Variants in SPATA6 observed in about 807,000 individuals in gnomAD.
The protein encoded by SPATA6 is spermatogenesis associated 6, also known as spermatogenesis-associated protein 6.
In SPATA6, 56 loss-of-function variants were observed where a neutral mutation model predicts 65.3. The ratio of observed to expected loss-of-function variants is 0.86; its 90% CI spans 0.69 to 1.07. The LOEUF is 1.07. SPATA6 is among the 50% of genes least tolerant of loss of function. The probability of loss-of-function intolerance (pLI) is 0.00; values close to 1 mark genes in which losing one functional copy is unlikely to be tolerated. For missense variants in SPATA6, 590 were observed against 594.8 expected, an observed-to-expected ratio of 0.99 and a Z score of 0.08; for synonymous variants, 199 against 213.2, an observed-to-expected ratio of 0.93 and a Z score of 0.58.
At chr1:48,437,356 A>G in intron 3 of SPATA6, 1 of 1,490,084 alleles carries the variant, frequency 6.7e-7, no homozygotes, top group Non-Finnish European at 8.9e-7. Flanking sequence ...TATTATTTAA[A>G]ACCACTCTGT....
In SPATA6 at chr1:48,303,528, T is replaced by C. The variant is rs1644989666; in HGVS notation, c.1286+2259A>G. The stretch of plus-strand genomic sequence containing the variant: ...CAGATGAGAACATGCAACATTTGTC[T>C]TTCTGTGCCTGGCTTATTTCACTTA... On this transcript the variant is annotated intron_variant, in intron 12 of 12. Coordinates refer to ENST00000371847, the MANE Select transcript of SPATA6 (RefSeq NM_019073.4). 2.0e-5 allele frequency among the ~76,000 whole-genome samples: 3 copies of C among 152,214 alleles called. No individual in the cohort carries two copies. The South Asian group carries it at 6.2e-4, about 32-fold the overall frequency.
At chr1:48,469,754 TAATC>T (rs1051343581) in intron 1 of SPATA6, among the ~76,000 whole-genome samples, 7 of 151,452 alleles carry the variant, frequency 4.6e-5, no homozygotes, top group South Asian at 2.1e-4. Context: ...AAAGCCAAAT[TAATC>T]AATCAATCAA....
intron 3 of SPATA6, among the ~76,000 whole-genome samples, chr1:48,433,294 A>G (rs1654578264): frequency 6.6e-6 from 1 of 152,174 alleles, no homozygotes. Context: ...TTCATTATGT[A>G]TGTTTTACTG....
chr1:48,399,331 A>G lies in SPATA6; in HGVS notation c.780+20T>C. The G allele has an allele frequency of 6.3e-7, 1 of 1,590,670 alleles. No homozygotes were observed. The highest frequency in any genetic ancestry group is 1.2e-5 in the South Asian group (1 of 86,918). On this transcript the variant is annotated intron_variant, in intron 7 of 12. Transcript: ENST00000371847. ...AAAAGCTGATCAGTTTCAAATAGAAATGCTTAAGAGAACACATACATGTCT... is the reference window on the plus strand; with the variant it reads ...AAAAGCTGATCAGTTTCAAATAGAAGTGCTTAAGAGAACACATACATGTCT...
intron 11 of SPATA6, among the ~76,000 whole-genome samples, chr1:48,336,310 C>T (rs1646058472): frequency 6.6e-6 from 1 of 151,952 alleles, no homozygotes; most frequent in South Asian, 2.1e-4. Flanking sequence ...AACTGTTCTA[C>T]AACAAAGATA....
At chr1:48,313,598 T>C (rs1001721055) in intron 11 of SPATA6, among the ~76,000 whole-genome samples, 7 of 152,006 alleles carry the variant, frequency 4.6e-5, no homozygotes, top group African/African-American at 1.7e-4. Context: ...ACATGCCAAA[T>C]TGTAACGACC....
chr1:48,416,342 C>CAT (rs373747672), intron 3 of SPATA6, among the ~76,000 whole-genome samples: 10,069 of 151,716 alleles, frequency 0.066, 418 homozygotes, highest in Non-Finnish European at 0.093. Flanking sequence ...GTGAAATATC[C>CAT]ATATATATAT....
chr1:48,359,560 C>T, intron 10 of SPATA6, 26 bp downstream of exon 10: 3 of 1,607,406 alleles, frequency 1.9e-6, no homozygotes, highest in South Asian at 1.1e-5. Flanking sequence ...AAGATCAGTA[C>T]AGAAATGAAG....
intron 5 of SPATA6, among the ~76,000 whole-genome samples, chr1:48,407,022 C>T (rs548152355): frequency 1.2e-4 from 18 of 152,232 alleles, no homozygotes; most frequent in Non-Finnish European, 1.9e-4. Context: ...TTTTCCTATT[C>T]GTATTTAAAT....
At chr1:48,319,685 T>C (rs1160182879) in intron 11 of SPATA6, among the ~76,000 whole-genome samples, 1 of 152,004 alleles carries the variant, frequency 6.6e-6, no homozygotes, top group Admixed American at 6.5e-5. Flanking sequence ...AACATTGTAA[T>C]CCTATTCACT....
At chr1:48,361,834 T>A (rs763596390) in intron 9 of SPATA6, among the ~76,000 whole-genome samples, 7 of 152,168 alleles carry the variant, frequency 4.6e-5, no homozygotes, top group African/African-American at 7.2e-5. Context: ...AACACTACCA[T>A]AATTTTCACT....
chr1:48,306,853 G>T (rs1645073467), intron 11 of SPATA6, among the ~76,000 whole-genome samples: 3 of 151,702 alleles, frequency 2.0e-5, no homozygotes, highest in Admixed American at 6.6e-5. Flanking sequence ...ATTTAGAATT[G>T]TTATAGTTTC....
chr1:48,431,575 A>AATGGGAT (rs1402702531), intron 3 of SPATA6, among the ~76,000 whole-genome samples: 1 of 152,222 alleles, frequency 6.6e-6, no homozygotes, highest in Non-Finnish European at 1.5e-5. Flanking sequence ...ATGGATATAC[A>AATGGGAT]AAGTATATTC....
At chr1:48,328,378 T>C (rs1416269349) in intron 11 of SPATA6, among the ~76,000 whole-genome samples, 1 of 151,866 alleles carries the variant, frequency 6.6e-6, no homozygotes, top group Non-Finnish European at 1.5e-5. Context: ...AACTGATGAA[T>C]GGATAAAAAA....
intron 3 of SPATA6, among the ~76,000 whole-genome samples, chr1:48,434,675 A>G (rs1387926198): frequency 6.6e-6 from 1 of 152,090 alleles, no homozygotes; most frequent in Non-Finnish European, 1.5e-5. Context: ...TAGTGAGAGA[A>G]CATCTGTGGT....
At chr1:48,344,019 C>T (rs577431088) in intron 11 of SPATA6, among the ~76,000 whole-genome samples, 6 of 151,584 alleles carry the variant, frequency 4.0e-5, no homozygotes, top group Non-Finnish European at 8.8e-5. Context: ...AGGTTTATAC[C>T]CAAATATATC....
At chr1:48,291,604 C>T (rs1217564821), downstream of SPATA6, among the ~76,000 whole-genome samples, 1 of 152,108 alleles carries the variant, frequency 6.6e-6, no homozygotes, top group African/African-American at 2.4e-5. Context: ...CCCCCTCACC[C>T]AGTAGCACTG....
intron 11 of SPATA6, among the ~76,000 whole-genome samples, chr1:48,324,319 A>T (rs1045836359): frequency 6.6e-6 from 1 of 152,170 alleles, no homozygotes; most frequent in Non-Finnish European, 1.5e-5. Flanking sequence ...AAAATAGAGG[A>T]GGGAGCACTT....
chr1:48,320,535 A>C (rs1645571047), intron 11 of SPATA6, among the ~76,000 whole-genome samples: 1 of 152,242 alleles, frequency 6.6e-6, no homozygotes, highest in Non-Finnish European at 1.5e-5. Flanking sequence ...TCAAACATTA[A>C]GGAGAAATAA....
Sources: gnomAD v4.1 joint callset for allele counts (sites outside exome capture counted in the v4.1 genomes callset) on GRCh38, gnomAD v4.1.1 for gene constraint, MANE v1.5 for transcripts, NCBI Gene and HGNC (gene_info 2026-07-23, HGNC 2026-07-21) for gene names.